PAPPA2: variants seen among roughly 807,000 people sequenced by gnomAD.
The protein encoded by PAPPA2 is pappalysin-2.
PAPPA2 carries 86 observed loss-of-function variants against 176.4 expected under a neutral mutation model. The ratio of observed to expected loss-of-function variants is 0.49; its 90% CI spans 0.41 to 0.58. The LOEUF (loss-of-function observed/expected upper bound fraction) is 0.58, where lower values mean the gene tolerates loss of function less well. PAPPA2 is among the 20% of genes least tolerant of loss of function. The pLI is 0.00. For synonymous variants in PAPPA2, 809 were observed against 852.2 expected (o/e 0.95, Z 0.88); for missense variants, 2,073 against 2,256.9 (o/e 0.92, Z 1.65).
At chr1:176,616,680 A>G in intron 3 of PAPPA2, 1 of 1,536,314 alleles carries the variant, frequency 6.5e-7, no homozygotes, top group Non-Finnish European at 9.0e-7. Flanking sequence ...ATACTTCTTA[A>G]GCTCCTCTAT....
At chr1:176,539,543 C>G (rs1650258613) in intron 1 of PAPPA2, among the ~76,000 whole-genome samples, 1 of 152,172 alleles carries the variant, frequency 6.6e-6, no homozygotes, top group Non-Finnish European at 1.5e-5. Flanking sequence ...GGCTCACAGT[C>G]TGGGGTGGAG....
chr1:176,655,571 A>G (rs1170649784), intron 3 of PAPPA2, among the ~76,000 whole-genome samples: 2 of 151,914 alleles, frequency 1.3e-5, no homozygotes, highest in Non-Finnish European at 2.9e-5. Flanking sequence ...ATCCACAATA[A>G]GATGCCATCT....
At chr1:176,473,228 A>G (rs1164249444) in intron 1 of PAPPA2, among the ~76,000 whole-genome samples, 3 of 152,128 alleles carry the variant, frequency 2.0e-5, no homozygotes, top group African/African-American at 7.2e-5. Flanking sequence ...ACAACCACTT[A>G]TCTTTTTACT....
At chr1:176,641,851 G>A (rs146279559) in intron 3 of PAPPA2, among the ~76,000 whole-genome samples, 1 of 151,936 alleles carries the variant, frequency 6.6e-6, no homozygotes, top group African/African-American at 2.4e-5. Context: ...GGTGATGGAG[G>A]TATTATTGAG....
chr1:176,694,449 A>C (rs1660265124), intron 6 of PAPPA2, among the ~76,000 whole-genome samples: 1 of 152,248 alleles, frequency 6.6e-6, no homozygotes, highest in Non-Finnish European at 1.5e-5. Context: ...ATTTATGAAA[A>C]GCACGACACA....
At chr1:176,787,798 C>T (rs1262297026) in intron 17 of PAPPA2, among the ~76,000 whole-genome samples, 3 of 152,072 alleles carry the variant, frequency 2.0e-5, no homozygotes, top group East Asian at 1.9e-4. Context: ...CATTGGCTCA[C>T]GCCTCTAATC....
At chr1:176,831,630 A>AGT (rs1667083297) in intron 21 of PAPPA2, among the ~76,000 whole-genome samples, 1 of 152,170 alleles carries the variant, frequency 6.6e-6, no homozygotes, top group African/African-American at 2.4e-5. Flanking sequence ...GAAGCAGGTC[A>AGT]GTGTGTGCTT....
intron 3 of PAPPA2, among the ~76,000 whole-genome samples, chr1:176,669,891 T>G (rs2102771920): frequency 6.6e-6 from 1 of 152,284 alleles, no homozygotes; most frequent in East Asian, 1.9e-4. Flanking sequence ...GTGGTAGATT[T>G]CAATGTCTGC....
chr1:176,682,767 C>G (rs1374337337), intron 4 of PAPPA2, among the ~76,000 whole-genome samples: 1 of 151,990 alleles, frequency 6.6e-6, no homozygotes, highest in Non-Finnish European at 1.5e-5. Flanking sequence ...TCTTTCCTTG[C>G]CCTGACTTGA....
rs748619995 is a variant in PAPPA2, at chr1:176,739,616, T to C, written c.3799-10T>C. On this transcript the variant is annotated splice_polypyrimidine_tract_variant and intron_variant, in intron 12 of 22. Transcript: ENST00000367662. Reference sequence around the variant, plus strand: ...AATAATGACTTATACATAAATGTGCTTATGCTTAGGTGTGTTTCAATAGAC... The same window carrying C: ...AATAATGACTTATACATAAATGTGCCTATGCTTAGGTGTGTTTCAATAGAC... The C allele has an allele frequency of 1.7e-5, 28 of 1,610,548 alleles. No homozygotes were observed. The African/African-American group carries it at 3.1e-4, about 18-fold the overall frequency.
chr1:176,734,619 C>A (rs1208611367), intron 12 of PAPPA2, among the ~76,000 whole-genome samples: 1 of 152,024 alleles, frequency 6.6e-6, no homozygotes, highest in Non-Finnish European at 1.5e-5. Context: ...GCCTTATATC[C>A]CCCCTTCATC....
At chr1:176,776,164 A>G (rs529336304) in intron 17 of PAPPA2, among the ~76,000 whole-genome samples, 14 of 152,326 alleles carry the variant, frequency 9.2e-5, no homozygotes, top group Non-Finnish European at 1.8e-4. Context: ...TATTTTGTCA[A>G]TAAAACCATA....
chr1:176,713,056 A>G (rs995937076), intron 12 of PAPPA2, among the ~76,000 whole-genome samples: 2 of 152,050 alleles, frequency 1.3e-5, no homozygotes, highest in African/African-American at 4.8e-5. Context: ...CATCATAATT[A>G]TATGCATATT....
chr1:176,550,567 G>A (rs1280447543), intron 1 of PAPPA2, among the ~76,000 whole-genome samples: 3 of 152,116 alleles, frequency 2.0e-5, no homozygotes, highest in Non-Finnish European at 4.4e-5. Context: ...GTAGATCTCT[G>A]GCATATTGCT....
intron 21 of PAPPA2, among the ~76,000 whole-genome samples, chr1:176,817,909 G>C (rs1329735960): frequency 6.6e-6 from 1 of 152,062 alleles, no homozygotes; most frequent in African/African-American, 2.4e-5. Flanking sequence ...ATTGAAGGCA[G>C]GTAAATGGAT....
chr1:176,804,231 A>G (rs1242214692), intron 21 of PAPPA2, among the ~76,000 whole-genome samples: 3 of 152,144 alleles, frequency 2.0e-5, no homozygotes, highest in African/African-American at 4.8e-5. Context: ...CACTCCCTGT[A>G]TCTTCATGCA....
intron 3 of PAPPA2, among the ~76,000 whole-genome samples, chr1:176,651,984 T>C (rs1382554606): frequency 6.6e-6 from 1 of 151,752 alleles, no homozygotes; most frequent in Admixed American, 6.6e-5. Context: ...CATTTCTGTT[T>C]TTTTAAAAAA....
chr1:176,498,203 G>A (rs7553663), intron 1 of PAPPA2, among the ~76,000 whole-genome samples: 1 of 150,924 alleles, frequency 6.6e-6, no homozygotes, highest in Non-Finnish European at 1.5e-5. Context: ...TGAGTAGATC[G>A]GGTGGATATT....
Position 176,781,333 on chromosome 1 carries a change from TATTTTAC to T in PAPPA2, c.4716-8473_4716-8467del, listed in dbSNP as rs1365883188. On this transcript the variant is annotated intron_variant, in intron 17 of 22. Transcript: ENST00000367662. ...GTGGCTCATTTTTTCAGAGAGGCTC[TATTTTAC>T]ATGTGAGAAGAGCTTTGTAAGGGGC... Among the ~76,000 whole-genome samples the T allele has an allele frequency of 2.0e-5, 3 of 148,924 alleles. No homozygotes were observed. The East Asian group carries it at 5.9e-4, about 29-fold the overall frequency.
Sources: allele counts gnomAD v4.1 joint callset (sites outside exome capture counted in the v4.1 genomes callset), GRCh38; gene constraint gnomAD v4.1.1; transcripts MANE v1.5; gene names NCBI Gene and HGNC (gene_info 2026-07-23, HGNC 2026-07-21).